The following RFC3 variants were observed in gnomAD, a reference collection of about 807,000 sequenced individuals.
RFC3 encodes the protein A1 38 kDa subunit.
Under a neutral mutation model 45.1 loss-of-function variants are expected in RFC3, and 41 were observed. The observed-to-expected ratio is 0.91, with a 90% CI of 0.71 to 1.18. RFC3 has a LOEUF of 1.18. RFC3 is among the 50% of genes most tolerant of loss of function. RFC3 has a pLI of 0.00. For synonymous variants in RFC3, 149 were observed against 144.0 expected, an observed-to-expected ratio of 1.03 and a Z score of -0.25; for missense variants, 423 against 428.1, an observed-to-expected ratio of 0.99 and a Z score of 0.10.
chr13:33,871,868 G>T (rs1593654418), intron 8 of RFC3, among the ~76,000 whole-genome samples: 1 of 152,190 alleles, frequency 6.6e-6, no homozygotes, highest in East Asian at 1.9e-4. Flanking sequence ...TTACAGATTA[G>T]TAAAAGCAAA....
At chr13:33,880,342 T>C (rs2082474788) in intron 8 of RFC3, among the ~76,000 whole-genome samples, 1 of 152,182 alleles carries the variant, frequency 6.6e-6, no homozygotes, top group Admixed American at 6.5e-5. Flanking sequence ...GCATTTTGGA[T>C]GTAAGGTGCC....
rs187009995 is a variant in RFC3 at position 33,949,857 on chromosome 13, T to C, written c.880-16230T>C. Reference sequence around the variant, plus strand: ...TTTCCAGGTAAGAGAGAATTTCTCTTACCTGACAGCCTTCAAATTGAGACA... The same window carrying C: ...TTTCCAGGTAAGAGAGAATTTCTCTCACCTGACAGCCTTCAAATTGAGACA... On this transcript the variant is annotated intron_variant, in intron 8 of 8. Coordinates refer to the RFC3 transcript ENST00000434425. Among the ~76,000 whole-genome samples the C allele has an allele frequency of 3.7e-4, 56 of 152,266 alleles. 1 individual carries two copies. The highest frequency in any genetic ancestry group is 1.2e-3 in the African/African-American group (49 of 41,560).
rs1431097489 is a variant in RFC3 at position 33,925,227 on chromosome 13, TAC to T, written c.880-40856_880-40855del. Among the ~76,000 whole-genome samples, 21 of 98,030 alleles carry T rather than the reference TAC, an allele frequency of 2.1e-4. 1 individual carries two copies. The highest frequency in any genetic ancestry group is 9.2e-4 in the African/African-American group (20 of 21,624). 64.3% of individuals were successfully genotyped at this position (98,030 alleles called of 152,430 possible). Reference sequence around the variant, plus strand: ...ATACACATATAGTGTACTATATACATACACATATAGTGTACTATATACATACA... The same window carrying T: ...ATACACATATAGTGTACTATATACATACATATAGTGTACTATATACATACA... On this transcript the variant is annotated intron_variant, in intron 8 of 8. Coordinates refer to the RFC3 transcript ENST00000434425.
chr13:33,886,962 A>G (rs1410327170), intron 8 of RFC3, among the ~76,000 whole-genome samples: 1 of 147,992 alleles, frequency 6.8e-6, no homozygotes, highest in East Asian at 2.0e-4. Flanking sequence ...AAGGACATGA[A>G]CTCATCATTT....
intron 7 of RFC3, among the ~76,000 whole-genome samples, 174 bp from the exon 8 acceptor site, chr13:33,834,967 TATTTAAG>T (rs2139424069): frequency 6.6e-6 from 1 of 152,324 alleles, no homozygotes; most frequent in East Asian, 1.9e-4. Flanking sequence ...TATGGTAAAC[TATTTAAG>T]AAACAGTTAT....
At chr13:33,828,482 G>T (rs2082071961) in intron 4 of RFC3, among the ~76,000 whole-genome samples, 1 of 152,198 alleles carries the variant, frequency 6.6e-6, no homozygotes, top group Non-Finnish European at 1.5e-5. Flanking sequence ...CTGCATCAGG[G>T]TTCCCTTGCT....
intron 8 of RFC3, among the ~76,000 whole-genome samples, chr13:33,964,991 GA>G (rs11303420): frequency 0.93 from 141,885 of 152,164 alleles, 66,926 homozygotes; most frequent in East Asian, 1. Context: ...ACAGAAGTTG[GA>G]AAAGTTGGAA....
chr13:33,823,304 T>A (rs1211570211), intron 2 of RFC3, among the ~76,000 whole-genome samples: 1 of 152,164 alleles, frequency 6.6e-6, no homozygotes, highest in Non-Finnish European at 1.5e-5. Context: ...GGGAATCTCT[T>A]ACATAGAAAT....
intron 8 of RFC3, among the ~76,000 whole-genome samples, chr13:33,884,956 G>T (rs961496839): frequency 7.2e-5 from 11 of 152,182 alleles, no homozygotes; most frequent in African/African-American, 2.7e-4. Context: ...GTCATTTCCT[G>T]AACTCCTCGA....
At chr13:33,845,677 CTA>C (rs1390210815) in intron 8 of RFC3, among the ~76,000 whole-genome samples, 2 of 152,168 alleles carry the variant, frequency 1.3e-5, no homozygotes, top group African/African-American at 4.8e-5. Flanking sequence ...ACTTGCTTCT[CTA>C]TGTTATCTTG....
At chr13:33,883,114 C>T (rs1272961967) in intron 8 of RFC3, among the ~76,000 whole-genome samples, 1 of 152,162 alleles carries the variant, frequency 6.6e-6, no homozygotes, top group Non-Finnish European at 1.5e-5. Context: ...CTTTTTGTTT[C>T]TCTAAAATAA....
intron 8 of RFC3, chr13:33,835,574 G>T (rs2082146344): frequency 2.3e-6 from 1 of 439,786 alleles, no homozygotes; most frequent in Non-Finnish European, 4.4e-6. Context: ...TTTCACAAAG[G>T]TAACCACTTT....
At chr13:33,924,565 T>C (rs1370149740) in intron 8 of RFC3, among the ~76,000 whole-genome samples, 1 of 151,414 alleles carries the variant, frequency 6.6e-6, no homozygotes, top group African/African-American at 2.4e-5. Flanking sequence ...AAAGTTTGCT[T>C]CATCAGCAAG....
At chr13:33,829,224 T>C (rs562216308) in intron 4 of RFC3, among the ~76,000 whole-genome samples, 2 of 152,220 alleles carry the variant, frequency 1.3e-5, no homozygotes, top group East Asian at 1.9e-4. Flanking sequence ...TGATCTGTGA[T>C]TGTGGCCAGA....
At chr13:33,819,265 G>T (rs907977511) in intron 1 of RFC3, among the ~76,000 whole-genome samples, 1 of 152,160 alleles carries the variant, frequency 6.6e-6, no homozygotes, top group Non-Finnish European at 1.5e-5. Flanking sequence ...TGATAAAAGT[G>T]CCCAATGGCA....
intron 8 of RFC3, among the ~76,000 whole-genome samples, chr13:33,916,868 A>G (rs1209726367): frequency 1.3e-5 from 2 of 152,096 alleles, no homozygotes; most frequent in Non-Finnish European, 2.9e-5. Context: ...TACATTTGCC[A>G]AATGCATTTT....
chr13:33,948,533 C>T (rs2137823680), intron 8 of RFC3, among the ~76,000 whole-genome samples: 1 of 152,284 alleles, frequency 6.6e-6, no homozygotes, highest in Admixed American at 6.5e-5. Flanking sequence ...GGGCCACTGC[C>T]CTCCAGACCC....
At chr13:33,963,048 T>C (rs1335104308) in intron 8 of RFC3, among the ~76,000 whole-genome samples, 1 of 152,102 alleles carries the variant, frequency 6.6e-6, no homozygotes, top group Non-Finnish European at 1.5e-5. Flanking sequence ...ACCCAAAATA[T>C]ATGAAAGTCT....
intron 8 of RFC3, among the ~76,000 whole-genome samples, chr13:33,952,638 C>A (rs1469540415): frequency 2.0e-5 from 3 of 152,174 alleles, no homozygotes; most frequent in Non-Finnish European, 4.4e-5. Context: ...ACCCTCTTAA[C>A]AACCACAACC....
Sources: gnomAD v4.1 joint callset for allele counts (sites outside exome capture counted in the v4.1 genomes callset) on GRCh38, gnomAD v4.1.1 for gene constraint, MANE v1.5 for transcripts, NCBI Gene and HGNC (gene_info 2026-07-23, HGNC 2026-07-21) for gene names.